The following DNAH17 variants were observed in gnomAD, a reference collection of about 807,000 sequenced individuals.
DNAH17 encodes the protein dynein axonemal heavy chain 17, also known as axonemal beta dynein heavy chain 17.
Under a neutral mutation model 485.6 loss-of-function variants are expected in DNAH17, and 376 were observed. The observed-to-expected ratio is 0.77, with a 90% CI of 0.71 to 0.84. DNAH17 has a LOEUF of 0.84. Ranked by LOEUF, DNAH17 falls within the 40% of genes least tolerant of loss-of-function variation. The pLI is 0.00. For synonymous variants in DNAH17, 3,031 were observed against 2,405.9 expected (o/e 1.26, Z -7.60); for missense variants, 6,370 against 5,839.3 (o/e 1.09, Z -2.96).
intron 13 of DNAH17, among the ~76,000 whole-genome samples, chr17:78,559,202 G>A (rs2092097265): frequency 6.6e-6 from 1 of 152,190 alleles, no homozygotes; most frequent in South Asian, 2.1e-4. Context: ...CTGTGTGGGT[G>A]GCTCCCACGT....
chr17:78,557,363 AT>A (rs1016351293), intron 14 of DNAH17, among the ~76,000 whole-genome samples: 15 of 152,178 alleles, frequency 9.9e-5, no homozygotes, highest in Admixed American at 8.5e-4. Flanking sequence ...TATGCCTGTA[AT>A]CCCAACACTT....
At chr17:78,434,561 A>G (rs1376885294) in intron 74 of DNAH17, among the ~76,000 whole-genome samples, 1 of 152,112 alleles carries the variant, frequency 6.6e-6, no homozygotes, top group Non-Finnish European at 1.5e-5. Context: ...CTTTGTAATT[A>G]TCAACATTCC....
chr17:78,556,360 C>T lies in DNAH17; in HGVS notation c.2178+1748G>A, dbSNP rs1320654473. Among the ~76,000 whole-genome samples, 3 of 152,208 alleles carry T rather than the reference C, an allele frequency of 2.0e-5. No homozygotes were observed. The South Asian group carries it at 6.2e-4, about 32-fold the overall frequency. ...AAAAGACAAGGAGACAGACCATCCCCTTGAGCCTCCAGAAGGAGGCAGCCC... is the reference window on the plus strand; with the variant it reads ...AAAAGACAAGGAGACAGACCATCCCTTTGAGCCTCCAGAAGGAGGCAGCCC... On this transcript the variant is annotated intron_variant, in intron 14 of 80. Coordinates refer to ENST00000389840, the MANE Select transcript of DNAH17 (RefSeq NM_173628.4).
chr17:78,541,606 G>A (rs746997387), intron 17 of DNAH17, among the ~76,000 whole-genome samples: 8 of 151,968 alleles, frequency 5.3e-5, no homozygotes, highest in South Asian at 2.1e-4. Context: ...ACAGAGTTGT[G>A]CACAAGAGAC....
chr17:78,519,330 G>A (rs1187430792), intron 25 of DNAH17, among the ~76,000 whole-genome samples: 4 of 152,010 alleles, frequency 2.6e-5, no homozygotes, highest in Non-Finnish European at 4.4e-5. Context: ...TTTATAGCAC[G>A]AAGTGTTTCC....
chr17:78,543,943 A>ACAGGGCCTCTTTCTTATTGTCCTTTCT lies in DNAH17; in HGVS notation c.2419_2445dup (p.Arg807_Leu815dup), dbSNP rs1210186407. ...TTGGCAATTCTTCCATCCAAGTCTA[A>ACAGGGCCTCTTTCTTATTGTCCTTTCT]CAGGGCCTCTTTCTTATTGTCCTTT... On this transcript the variant is annotated inframe_insertion, in exon 17 of 81. Transcript: ENST00000389840. 3.7e-6 allele frequency: 6 copies of ACAGGGCCTCTTTCTTATTGTCCTTTCT among 1,613,910 alleles called. No individual in the cohort carries two copies. In the African/African-American group the frequency reaches 8.0e-5, roughly 22 times the overall value.
chr17:78,498,984 G>C, intron 37 of DNAH17, 24 bp downstream of exon 37: 1 of 1,575,320 alleles, frequency 6.3e-7, no homozygotes, highest in Non-Finnish European at 8.6e-7. Flanking sequence ...ACGTGACCCC[G>C]AGGCCGCAGG....
At chr17:78,529,426 G>A in intron 22 of DNAH17, 46 bp downstream of exon 22, 2 of 1,594,064 alleles carry the variant, frequency 1.3e-6, no homozygotes, top group Non-Finnish European at 1.7e-6. Context: ...GGCCGGGATG[G>A]CTCTCCCTGC....
At chr17:78,470,089 T>TTTC (rs1167843075) in intron 54 of DNAH17, among the ~76,000 whole-genome samples, 5 of 148,420 alleles carry the variant, frequency 3.4e-5, no homozygotes, top group African/African-American at 1.2e-4. Flanking sequence ...TTTTTTTTTT[T>TTTC]TTGAGACAGT....
intron 36 of DNAH17, 102 bp from the exon 37 acceptor site, chr17:78,499,214 C>A: frequency 1.1e-6 from 1 of 871,410 alleles, no homozygotes; most frequent in Non-Finnish European, 1.7e-6. Flanking sequence ...TTTCTCTTCC[C>A]AAAGCTTGCT....
At position 78,571,625 on chromosome 17, in the gene DNAH17, T is replaced by C. The variant is rs894968; in HGVS notation, c.697A>G (p.Thr233Ala). The C allele has an allele frequency of 0.97, 1,569,415 of 1,613,966 alleles. 763,170 individuals carry two copies. Among genetic ancestry groups the C allele is most frequent in the East Asian group, 1 (44,855 of 44,870 alleles). ...LPQVEFEFWDTRLLNLKCIHE... is the reference protein window; with the variant it reads ...LPQVEFEFWDARLLNLKCIHE... Reference sequence around the variant, plus strand: ...ATGCACTTGAGGTTCAGCAGCCGAGTGTCCCAGAACTCGAACTCCACTTGG... The same window carrying C: ...ATGCACTTGAGGTTCAGCAGCCGAGCGTCCCAGAACTCGAACTCCACTTGG... The change falls in exon 4 of 81, where the codon ACT becomes GCT. Residue 233 changes from threonine to alanine, a missense_variant. Thr to Ala is a moderately conservative substitution (Grantham distance 58). Transcript: ENST00000389840.
rs1437788904 is a variant in DNAH17 at position 78,491,442 on chromosome 17, C to A, written c.6669+1G>T. The stretch of plus-strand genomic sequence containing the variant: ...GGGCTTAGAGTCCAGGGCCCGCGAA[C>A]CTTGTTGTCATCCATGACTGTGTTG... On this transcript the variant is annotated splice_donor_variant, in intron 43 of 80. Transcript: ENST00000389840. LOFTEE classifies it high-confidence loss of function. 6.2e-7 allele frequency: 1 copy of A among 1,612,572 alleles called. No individual in the cohort carries two copies. Among genetic ancestry groups the A allele is most frequent in the Non-Finnish European group, 8.5e-7 (1 of 1,179,434 alleles).
At chr17:78,569,807 C>A (rs535678456) in intron 7 of DNAH17, among the ~76,000 whole-genome samples, 1 of 152,224 alleles carries the variant, frequency 6.6e-6, no homozygotes, top group Non-Finnish European at 1.5e-5. Flanking sequence ...GTCCTGCAGA[C>A]GGGGCCACAG....
intron 25 of DNAH17, among the ~76,000 whole-genome samples, chr17:78,517,945 T>C (rs1174878871): frequency 2.0e-5 from 3 of 152,214 alleles, no homozygotes; most frequent in African/African-American, 7.2e-5. Context: ...GTGAGGTTTC[T>C]ACACACAAAA....
At chr17:78,552,857 T>C in intron 14 of DNAH17, 52 bp from the exon 15 acceptor site, 4 of 1,307,360 alleles carry the variant, frequency 3.1e-6, no homozygotes, top group Non-Finnish European at 4.4e-6. Context: ...GATTTTAAAT[T>C]GTTCTCTGGT....
rs72920903 is a variant in DNAH17 at position 78,517,953 on chromosome 17, A to C, written c.3865-2931T>G. On this transcript the variant is annotated intron_variant, in intron 25 of 80. Coordinates refer to ENST00000389840, the MANE Select transcript of DNAH17 (RefSeq NM_173628.4). Reference sequence around the variant, plus strand: ...AATGGAAGTGAGGTTTCTACACACAAAAGTGACAAAATGTTGATATCAGTG... The same window carrying C: ...AATGGAAGTGAGGTTTCTACACACACAAGTGACAAAATGTTGATATCAGTG... 1.2e-3 allele frequency among the ~76,000 whole-genome samples: 177 copies of C among 152,354 alleles called. 1 individual carries two copies. In the Middle Eastern group the frequency reaches 0.031, roughly 26 times the overall value.
At chr17:78,508,284 T>C (rs1001230711) in intron 27 of DNAH17, among the ~76,000 whole-genome samples, 1 of 152,200 alleles carries the variant, frequency 6.6e-6, no homozygotes, top group Non-Finnish European at 1.5e-5. Flanking sequence ...GCTCTTCTGA[T>C]ACCAGAATGA....
Position 78,451,075 on chromosome 17 carries a change from G to T in DNAH17, c.10735-229C>A, listed in dbSNP as rs548752232. The stretch of plus-strand genomic sequence containing the variant: ...TCACGGAGACTGTAGGGGGCAGAAC[G>T]GGGACAGGCGGGCCTGGGCCTCCTG... On this transcript the variant is annotated intron_variant, in intron 66 of 80. Coordinates refer to ENST00000389840, the MANE Select transcript of DNAH17 (RefSeq NM_173628.4). 3.9e-5 allele frequency among the ~76,000 whole-genome samples: 6 copies of T among 152,372 alleles called. No individual in the cohort carries two copies. In the South Asian group the frequency reaches 1.2e-3, roughly 32 times the overall value.
chr17:78,461,138 G>T (rs541915234), intron 58 of DNAH17, among the ~76,000 whole-genome samples: 1 of 151,830 alleles, frequency 6.6e-6, no homozygotes, highest in Non-Finnish European at 1.5e-5. Context: ...GCCCGGAGCC[G>T]CACGTCTGAG....
Sources: allele counts gnomAD v4.1 joint callset (sites outside exome capture counted in the v4.1 genomes callset), GRCh38; gene constraint gnomAD v4.1.1; transcripts MANE v1.5; gene names NCBI Gene and HGNC (gene_info 2026-07-23, HGNC 2026-07-21).